The following RSPO4 variants were observed in gnomAD, a reference collection of about 807,000 sequenced individuals.
RSPO4 encodes the protein R-spondin-4.
A neutral mutation model predicts 24.8 loss-of-function variants in RSPO4; 23 were observed. The ratio of observed to expected loss-of-function variants is 0.93; its 90% CI spans 0.67 to 1.31. The LOEUF is 1.31. RSPO4 is among the 40% of genes most tolerant of loss of function. The pLI is 0.00. For missense variants in RSPO4, 333 were observed against 316.5 expected, an observed-to-expected ratio of 1.05 and a Z score of -0.39; for synonymous variants, 141 against 127.4, an observed-to-expected ratio of 1.11 and a Z score of -0.72.
intron 1 of RSPO4, among the ~76,000 whole-genome samples, chr20:973,333 C>T (rs1223131363): frequency 1.3e-5 from 2 of 152,232 alleles, no homozygotes; most frequent in Non-Finnish European, 2.9e-5. Context: ...CAGCACAACT[C>T]CTGCAGTTTC....
chr20:974,766 C>T, intron 1 of RSPO4, among the ~76,000 whole-genome samples: 1 of 152,080 alleles, frequency 6.6e-6, no homozygotes, highest in East Asian at 1.9e-4. Flanking sequence ...AGAATGGAGG[C>T]CATACAGCAG....
intron 3 of RSPO4, 52 bp from the exon 4 acceptor site, chr20:964,172 G>C: frequency 2.7e-6 from 4 of 1,491,632 alleles, no homozygotes; most frequent in Non-Finnish European, 3.6e-6. Flanking sequence ...TCAGCCGGCA[G>C]TGAGGGTCCT....
chr20:1,001,717 T>C (rs1325299513), intron 1 of RSPO4, among the ~76,000 whole-genome samples: 1 of 152,160 alleles, frequency 6.6e-6, no homozygotes, highest in Non-Finnish European at 1.5e-5. Flanking sequence ...GCATGGATGC[T>C]TGGAATGGCT....
chr20:1,002,144 C>T lies in RSPO4; in HGVS notation c.21G>A (p.Leu7=). MRAPLC[L]LLLVAHAVDM... ...CCACGGCGTGGGCGACGAGCAGGAG[C>T]AGGCAGAGTGGCGCCCGCATCTGGG... Residue 7 remains leucine (L), a synonymous_variant, in exon 1 of 5, where the codon CTG becomes CTA. Coordinates refer to ENST00000217260, the MANE Select transcript of RSPO4 (RefSeq NM_001029871.4). The surrounding 1 kb of genome is among the most constrained non-coding windows in gnomAD (Gnocchi z 4.6). The T allele has an allele frequency of 3.2e-6, 5 of 1,561,462 alleles. No individual in the cohort carries two copies. The highest frequency in any genetic ancestry group is 3.5e-6 in the Non-Finnish European group (4 of 1,152,944).
Position 964,056 on chromosome 20 carries a change from G to C in RSPO4, c.474C>G (p.Gly158=), listed in dbSNP as rs1984100248. The C allele has an allele frequency of 1.9e-6, 3 of 1,613,798 alleles. No homozygotes were observed. The East Asian group carries it at 6.7e-5, about 36-fold the overall frequency. ...CCCGGCTCTCCAGGCCCCAAGCCGA[G>C]CCGCAGGTCTTTCCATTGTGTGTGC... ...SPCTHNGKTC[G]SAWGLESRVR... is the part of the protein sequence containing the mutation. Residue 158 remains glycine, a synonymous_variant, in exon 4 of 5, where the codon GGC becomes GGG. Coordinates refer to ENST00000217260, the MANE Select transcript of RSPO4 (RefSeq NM_001029871.4).
rs146088072 is a variant in RSPO4, at chr20:991,971, G to C, written c.79+10115C>G. ...TGCTGTGAATTAAGGAGTCCGATTGGCTCAAATGCCTGCAGGGAGGCGGGG... is the reference window on the plus strand; with the variant it reads ...TGCTGTGAATTAAGGAGTCCGATTGCCTCAAATGCCTGCAGGGAGGCGGGG... On this transcript the variant is annotated intron_variant, in intron 1 of 4. Coordinates refer to ENST00000217260, the MANE Select transcript of RSPO4 (RefSeq NM_001029871.4). Among the ~76,000 whole-genome samples the C allele has an allele frequency of 3.8e-3, 579 of 152,216 alleles. 4 individuals are homozygous for C. The highest frequency in any genetic ancestry group is 0.013 in the African/African-American group (555 of 41,532).
rs1985481340 is a variant in RSPO4 at position 1,001,996 on chromosome 20, G to T, written c.79+90C>A. The T allele has an allele frequency of 2.7e-6, 3 of 1,116,310 alleles. No homozygotes were observed. The African/African-American group carries it at 4.7e-5, about 18-fold the overall frequency. The allele number at this position is 1,116,310 out of a possible 1,614,324, so 69.2% of individuals were successfully genotyped here. A position where few individuals can be genotyped will look rare whatever the true frequency, so the allele number is the denominator to read the frequency against. On this transcript the variant is annotated intron_variant, in intron 1 of 4. Transcript: ENST00000217260. Reference sequence around the variant, plus strand: ...GACCCAGGGCGCCAGGCACCAGGCAGATGCCCCCAGAGCCGCCGCCCCCGG... The same window carrying T: ...GACCCAGGGCGCCAGGCACCAGGCATATGCCCCCAGAGCCGCCGCCCCCGG...
intron 4 of RSPO4, among the ~76,000 whole-genome samples, chr20:960,942 A>T (rs1271295701): frequency 1.3e-5 from 2 of 152,232 alleles, no homozygotes; most frequent in Non-Finnish European, 2.9e-5. Context: ...CACTGTATGC[A>T]GGCCACAGCC....
rs1300681845 is a variant in RSPO4 at position 981,933 on chromosome 20, C to G, written c.80-13795G>C. The stretch of plus-strand genomic sequence containing the variant: ...ACCAAATCTCTGCTTCCCCATTCTC[C>G]TGGACCTGCCCTGGACCACATCTAT... On this transcript the variant is annotated intron_variant, in intron 1 of 4. Coordinates refer to ENST00000217260, the MANE Select transcript of RSPO4 (RefSeq NM_001029871.4). The surrounding 1 kb of genome is among the most constrained non-coding windows in gnomAD (Gnocchi z 4.6). 6.6e-6 allele frequency among the ~76,000 whole-genome samples: 1 copy of G among 152,198 alleles called. No individual in the cohort carries two copies. Among genetic ancestry groups the G allele is most frequent in the African/African-American group, 2.4e-5 (1 of 41,448 alleles).
chr20:999,923 C>G (rs987907150), intron 1 of RSPO4, among the ~76,000 whole-genome samples: 14 of 152,096 alleles, frequency 9.2e-5, no homozygotes, highest in Non-Finnish European at 1.9e-4. Context: ...GGCTGGAGTG[C>G]AGTGGCATGA....
intron 1 of RSPO4, among the ~76,000 whole-genome samples, chr20:969,661 C>T (rs187040392): frequency 1.7e-3 from 266 of 152,214 alleles, no homozygotes; most frequent in African/African-American, 6.3e-3. Flanking sequence ...AGCAGCCAGG[C>T]TTAGGTGGTA....
At chr20:964,519 C>CG (rs990484429) in intron 3 of RSPO4, among the ~76,000 whole-genome samples, 5 of 151,680 alleles carry the variant, frequency 3.3e-5, no homozygotes, top group Admixed American at 3.3e-4. Context: ...CTCAGGAAGG[C>CG]GGGGACAGGA....
intron 1 of RSPO4, among the ~76,000 whole-genome samples, chr20:989,333 C>A (rs1985019724): frequency 6.6e-6 from 1 of 152,116 alleles, no homozygotes; most frequent in African/African-American, 2.4e-5. Flanking sequence ...AGTCTCTGCA[C>A]CTCTTCTGCA....
intron 1 of RSPO4, among the ~76,000 whole-genome samples, chr20:974,342 G>A (rs1488873756): frequency 6.6e-6 from 1 of 152,166 alleles, no homozygotes; most frequent in Non-Finnish European, 1.5e-5. Flanking sequence ...TCCAGGATGG[G>A]CCAATTAGAC....
rs1983931274 is a variant in RSPO4 at position 959,943 on chromosome 20, G to T, written c.*414C>A. ...GGGAAAGGCCTGGGAAAAGATGTTTGCTTTCTTTAAGTTGTAGATAGAGAA... is the reference window on the plus strand; with the variant it reads ...GGGAAAGGCCTGGGAAAAGATGTTTTCTTTCTTTAAGTTGTAGATAGAGAA... On this transcript the variant is annotated 3_prime_UTR_variant, in exon 5 of 5. Coordinates refer to ENST00000217260, the MANE Select transcript of RSPO4 (RefSeq NM_001029871.4). The T allele has an allele frequency of 1.6e-5, 3 of 193,204 alleles. No homozygotes were observed. The East Asian group carries it at 4.1e-4, about 26-fold the overall frequency. 12.0% of individuals were successfully genotyped at this position (193,204 alleles called of 1,614,324 possible).
intron 1 of RSPO4, among the ~76,000 whole-genome samples, chr20:972,832 A>G (rs1260934246): frequency 6.6e-6 from 1 of 152,216 alleles, no homozygotes; most frequent in Non-Finnish European, 1.5e-5. Flanking sequence ...TGGGCCTGAG[A>G]GGCGACCCCA....
At chr20:962,230 T>C (rs1433837348) in intron 4 of RSPO4, among the ~76,000 whole-genome samples, 1 of 152,098 alleles carries the variant, frequency 6.6e-6, no homozygotes, top group Admixed American at 6.6e-5. Flanking sequence ...GTGCAAGTGC[T>C]ACCATGTGAT....
chr20:975,146 C>T (rs73579426), intron 1 of RSPO4, among the ~76,000 whole-genome samples: 9,959 of 152,148 alleles, frequency 0.065, 1,104 homozygotes, highest in African/African-American at 0.23. Context: ...GAACAGATCA[C>T]GGTGGAGCAG....
At chr20:967,112 A>C in intron 3 of RSPO4, 62 bp downstream of exon 3, 1 of 1,549,442 alleles carries the variant, frequency 6.5e-7, no homozygotes, top group Non-Finnish European at 8.8e-7. Context: ...AACATCTCTC[A>C]CCAAGCCCCC....
Sources: gnomAD v4.1 joint callset for allele counts (sites outside exome capture counted in the v4.1 genomes callset) on GRCh38, gnomAD v4.1.1 for gene constraint, Gnocchi (gnomAD v3.1) non-coding constraint, MANE v1.5 for transcripts, NCBI Gene and HGNC (gene_info 2026-07-23, HGNC 2026-07-21) for gene names.